Variants in RTN4RL2 observed in about 807,000 individuals in gnomAD.
The protein encoded by RTN4RL2 is reticulon-4 receptor-like 2.
RTN4RL2 carries 9 observed loss-of-function variants against 27.8 expected under a neutral mutation model. The ratio of observed to expected loss-of-function variants is 0.32; its 90% CI spans 0.20 to 0.57. RTN4RL2 has a LOEUF of 0.57. Among genes scored for constraint, RTN4RL2 ranks in the 20% least tolerant of loss-of-function variants. RTN4RL2 has a pLI of 0.90. For synonymous variants in RTN4RL2, 285 were observed against 297.9 expected, an observed-to-expected ratio of 0.96 and a Z score of 0.45; for missense variants, 436 against 596.8, an observed-to-expected ratio of 0.73 and a Z score of 2.81.
chr11:57,474,112 GAAC>G (rs1334610196), intron 2 of RTN4RL2, among the ~76,000 whole-genome samples: 1 of 152,238 alleles, frequency 6.6e-6, no homozygotes, highest in Non-Finnish European at 1.5e-5. Flanking sequence ...GCCTGGAAGA[GAAC>G]AAGAGCACCA....
rs374895424 is a variant in RTN4RL2, at chr11:57,476,722, G to A, written c.1074G>A (p.Gly358=). 248 of 1,436,528 alleles carry A rather than the reference G, an allele frequency of 1.7e-4. No individual in the cohort carries two copies. The African/African-American group carries it at 3.3e-3, about 19-fold the overall frequency. 89.0% of individuals were successfully genotyped at this position (1,436,528 alleles called of 1,614,324 possible). Residue 358 remains glycine, a synonymous_variant, in exon 3 of 3, where the codon GGG becomes GGA. Coordinates refer to ENST00000335099, the MANE Select transcript of RTN4RL2 (RefSeq NM_178570.3). This position sits in a 1 kb window ranked among gnomAD's most constrained non-coding sequence, Gnocchi z 8.2. ...YRDLPAEDSR[G]RQGGDAPTED... ...ATCTGCCTGCCGAAGACTCGCGGGG[G>A]CGCCAGGGCGGGGACGCGCCTACTG...
chr11:57,471,469 C>T (rs994775550), intron 2 of RTN4RL2, among the ~76,000 whole-genome samples: 1 of 152,216 alleles, frequency 6.6e-6, no homozygotes, highest in African/African-American at 2.4e-5. Context: ...AGCAACTTCA[C>T]ACCTGGCCTT....
intron 1 of RTN4RL2, among the ~76,000 whole-genome samples, chr11:57,465,370 T>C (rs755748443): frequency 2.6e-5 from 4 of 152,292 alleles, no homozygotes; most frequent in Non-Finnish European, 4.4e-5. Context: ...CAAGTGCAAT[T>C]TGCAGCCTTG....
Position 57,467,764 on chromosome 11 carries a change from C to G in RTN4RL2, c.187C>G (p.Gln63Glu). ...GCCGCTGTCCCTGCCACCCAGCACTCAGCGACTCTTCCTGCAGAACAACCT... is the reference window on the plus strand; with the variant it reads ...GCCGCTGTCCCTGCCACCCAGCACTGAGCGACTCTTCCTGCAGAACAACCT... ...SVPLSLPPST[Q>E]RLFLQNNLIR... Residue 63 changes from glutamine to glutamate, a missense_variant, in exon 2 of 3, where the codon CAG becomes GAG. Around this residue, in one of 3 missense-constraint regions of RTN4RL2, gnomAD observed 365 missense variants for 530.5 expected, o/e 0.69. Transcript: ENST00000335099. The surrounding 1 kb of genome is among the most constrained non-coding windows in gnomAD (Gnocchi z 5.5). The G allele has an allele frequency of 6.2e-7, 1 of 1,614,058 alleles. No homozygotes were observed. The highest frequency in any genetic ancestry group is 1.1e-5 in the South Asian group (1 of 91,076).
intron 2 of RTN4RL2, among the ~76,000 whole-genome samples, chr11:57,471,837 C>A (rs763894710): frequency 1.3e-5 from 2 of 152,170 alleles, no homozygotes; most frequent in Non-Finnish European, 2.9e-5. Context: ...CAAGTGTAGC[C>A]AGATGATAAA....
At position 57,467,700 on chromosome 11, in the gene RTN4RL2, G is replaced by A. The variant is rs199912991; in HGVS notation, c.123G>A (p.Pro41=). 191 of 1,611,696 alleles carry A rather than the reference G, an allele frequency of 1.2e-4. 1 individual carries two copies. The highest frequency in any genetic ancestry group is 1.2e-3 in the Admixed American group (69 of 59,980). ...CPMLCTCYSS[P]PTVSCQANNF... Reference sequence around the variant, plus strand: ...TGCTCTGCACCTGCTACTCATCCCCGCCCACCGTGAGCTGCCAGGCCAACA... The same window carrying A: ...TGCTCTGCACCTGCTACTCATCCCCACCCACCGTGAGCTGCCAGGCCAACA... Residue 41 remains proline (P), a synonymous_variant, in exon 2 of 3, where the codon CCG becomes CCA. Coordinates refer to ENST00000335099, the MANE Select transcript of RTN4RL2 (RefSeq NM_178570.3). The surrounding 1 kb of genome is among the most constrained non-coding windows in gnomAD (Gnocchi z 5.5).
chr11:57,468,180 C>G (rs1943540315), intron 2 of RTN4RL2, 90 bp downstream of exon 2: 3 of 1,383,492 alleles, frequency 2.2e-6, no homozygotes, highest in Admixed American at 4.4e-5. Flanking sequence ...TGCGTCCCTC[C>G]TCTCTCCCCA....
chr11:57,460,913 C>T lies in RTN4RL2; in HGVS notation c.31+17C>T. 4 of 1,380,160 alleles carry T rather than the reference C, an allele frequency of 2.9e-6. No homozygotes were observed. Among genetic ancestry groups the T allele is most frequent in the South Asian group, 1.6e-5 (1 of 61,878 alleles). 85.5% of individuals were successfully genotyped at this position (1,380,160 alleles called of 1,614,324 possible). A position where few individuals can be genotyped will look rare whatever the true frequency, so the allele number is the denominator to read the frequency against. On this transcript the variant is annotated intron_variant, in intron 1 of 2. Coordinates refer to ENST00000335099, the MANE Select transcript of RTN4RL2 (RefSeq NM_178570.3). ...TGCTGCAAGGTAAGAACGCCAGCGG[C>T]GGGAGAGCGGAGGGCATCCTGGGGA...
At position 57,476,332 on chromosome 11, in the gene RTN4RL2, C is replaced by T; in HGVS notation, c.684C>T (p.Arg228=). The stretch of plus-strand genomic sequence containing the variant: ...GCGCGGCCTTCCGCGGCCTCAGCCG[C>T]CTCACCATCCTCTACCTGTTCAACA... ...VHRAAFRGLS[R]LTILYLFNNS... The change falls in exon 3 of 3, where the codon CGC becomes CGT. Residue 228 remains arginine, a synonymous_variant. Coordinates refer to ENST00000335099, the MANE Select transcript of RTN4RL2 (RefSeq NM_178570.3). The surrounding 1 kb of genome is among the most constrained non-coding windows in gnomAD (Gnocchi z 8.2). 1 of 1,611,326 alleles carries T rather than the reference C, an allele frequency of 6.2e-7. No individual in the cohort carries two copies. Among genetic ancestry groups the T allele is most frequent in the East Asian group, 2.2e-5 (1 of 44,812 alleles).
At position 57,467,270 on chromosome 11, in the gene RTN4RL2, G is replaced by T. The variant is rs909758367; in HGVS notation, c.32-339G>T. 4.6e-5 allele frequency among the ~76,000 whole-genome samples: 7 copies of T among 152,136 alleles called. No homozygotes were observed. Among genetic ancestry groups the T allele is most frequent in the African/African-American group, 1.7e-4 (7 of 41,410 alleles). On this transcript the variant is annotated intron_variant, in intron 1 of 2. Transcript: ENST00000335099. The surrounding 1 kb of genome is among the most constrained non-coding windows in gnomAD (Gnocchi z 5.5). ...GTGTTGCCCAGGCTGGAGTGCAAGG[G>T]TGTGATCGTTGCTCACTACAGCCTC...
intron 1 of RTN4RL2, among the ~76,000 whole-genome samples, chr11:57,461,455 T>G (rs1943484411): frequency 2.2e-4 from 21 of 97,518 alleles, no homozygotes; most frequent in East Asian, 2.8e-4. Flanking sequence ...TGGGGAGGGG[T>G]CAGGGGGAGA....
intron 2 of RTN4RL2, chr11:57,468,702 G>A: frequency 6.5e-7 from 1 of 1,536,034 alleles, no homozygotes; most frequent in South Asian, 1.2e-5. Flanking sequence ...AATTCACTGG[G>A]CAATGGGACG....
intron 2 of RTN4RL2, chr11:57,468,601 C>G: frequency 6.5e-7 from 1 of 1,536,718 alleles, no homozygotes; most frequent in Non-Finnish European, 8.7e-7. Flanking sequence ...TTTTTCTCAC[C>G]CACCCTCAAG....
intron 2 of RTN4RL2, chr11:57,468,765 T>C (rs1943543904): frequency 6.5e-7 from 1 of 1,531,858 alleles, no homozygotes; most frequent in Non-Finnish European, 8.7e-7. Context: ...GTCATCTCAA[T>C]GCAGGGGAAG....
At chr11:57,463,721 T>G (rs1943500949) in intron 1 of RTN4RL2, among the ~76,000 whole-genome samples, 1 of 139,324 alleles carries the variant, frequency 7.2e-6, no homozygotes, top group African/African-American at 3.1e-5. Context: ...AGGGAAGGAG[T>G]GGTGGTGCTG....
At chr11:57,471,034 G>C (rs1001308927) in intron 2 of RTN4RL2, among the ~76,000 whole-genome samples, 10 of 151,942 alleles carry the variant, frequency 6.6e-5, no homozygotes, top group African/African-American at 2.4e-4. Flanking sequence ...TCAGGAGTTC[G>C]AGACCAGCCT....
At chr11:57,465,160 G>A (rs181136951) in intron 1 of RTN4RL2, among the ~76,000 whole-genome samples, 3 of 152,202 alleles carry the variant, frequency 2.0e-5, no homozygotes, top group African/African-American at 4.8e-5. Context: ...CCCCCCTCTG[G>A]AGGAGGAACA....
chr11:57,468,379 A>G (rs1943541634), intron 2 of RTN4RL2, among the ~76,000 whole-genome samples: 1 of 150,192 alleles, frequency 6.7e-6, no homozygotes, highest in South Asian at 2.1e-4. Flanking sequence ...CTGTCTGTCT[A>G]TCCCTTTCCA....
In RTN4RL2 at chr11:57,467,394, G is replaced by A. The variant is rs916149530; in HGVS notation, c.32-215G>A. ...CCTGGCTAATTTTTTTTTTTTTCTT[G>A]TAAAGACAGGGATCTCCCTATGTTG... On this transcript the variant is annotated intron_variant, in intron 1 of 2. Coordinates refer to ENST00000335099, the MANE Select transcript of RTN4RL2 (RefSeq NM_178570.3). The surrounding 1 kb of genome is among the most constrained non-coding windows in gnomAD (Gnocchi z 5.5). Among the ~76,000 whole-genome samples the A allele has an allele frequency of 6.7e-6, 1 of 149,088 alleles. No homozygotes were observed. Among genetic ancestry groups the A allele is most frequent in the Admixed American group, 6.6e-5 (1 of 15,078 alleles).
Sources: gnomAD v4.1 joint callset for allele counts (sites outside exome capture counted in the v4.1 genomes callset) on GRCh38, gnomAD v4.1.1 for gene constraint, gnomAD v4.1.1 regional missense constraint, Gnocchi (gnomAD v3.1) non-coding constraint, MANE v1.5 for transcripts, NCBI Gene and HGNC (gene_info 2026-07-23, HGNC 2026-07-21) for gene names.